Variants in TMTC1 observed in about 807,000 individuals in gnomAD.
TMTC1 encodes the protein protein O-mannosyl-transferase TMTC1.
In TMTC1, 73 loss-of-function variants were observed where a neutral mutation model predicts 104.8. The observed-to-expected ratio is 0.70, with a 90% CI of 0.58 to 0.85. TMTC1 has a LOEUF of 0.85. TMTC1 is among the 40% of genes least tolerant of loss of function. The pLI, the probability that TMTC1 is intolerant of heterozygous loss-of-function variation, is 0.00. For missense variants in TMTC1, 1,035 were observed against 1,096.1 expected (o/e 0.94, Z 0.79); for synonymous variants, 434 against 428.7 (o/e 1.01, Z -0.15).
At chr12:29,530,463 C>T (rs1346723737) in intron 11 of TMTC1, among the ~76,000 whole-genome samples, 1 of 152,148 alleles carries the variant, frequency 6.6e-6, no homozygotes, top group Non-Finnish European at 1.5e-5. Flanking sequence ...CTAGCTGGTC[C>T]ATGGAGACTG....
At chr12:29,624,461 A>G (rs1201194435) in intron 6 of TMTC1, among the ~76,000 whole-genome samples, 2 of 152,226 alleles carry the variant, frequency 1.3e-5, no homozygotes, top group Admixed American at 1.3e-4. Flanking sequence ...CACACACAGT[A>G]TCGCACACAC....
intron 5 of TMTC1, among the ~76,000 whole-genome samples, chr12:29,740,890 T>C (rs146360478): frequency 6.6e-6 from 1 of 152,344 alleles, no homozygotes; most frequent in African/African-American, 2.4e-5. Context: ...TGCCAGTTCC[T>C]GTGTCCAGAA....
At chr12:29,516,203 G>A (rs1455666973) in intron 15 of TMTC1, 146 bp downstream of exon 15, 2 of 960,260 alleles carry the variant, frequency 2.1e-6, no homozygotes, top group African/African-American at 1.6e-5. Flanking sequence ...GGGGATATCT[G>A]TGAAAAGTTT....
Position 29,536,227 on chromosome 12 carries a change from AGC to A in TMTC1, c.1765_1766del (p.Ala589PhefsTer5). 6.2e-7 allele frequency: 1 copy of A among 1,610,080 alleles called. No individual in the cohort carries two copies. On this transcript the variant is annotated frameshift_variant, in exon 11 of 18. Transcript: ENST00000539277. LOFTEE classifies it high-confidence loss of function. Reference protein sequence around the residue: ...PEFADAYSSLASLLAEQERFK... With the variant: ...PEFADAYSSLXSLLAEQERFK... Reference sequence around the variant, plus strand: ...CAATTACCTGCTCAGCCAATAACGAAGCTAAGCTTGAATATGCATCTGCAAAC... The same window carrying A: ...CAATTACCTGCTCAGCCAATAACGAATAAGCTTGAATATGCATCTGCAAAC...
At chr12:29,671,283 G>C (rs2136680686) in intron 5 of TMTC1, among the ~76,000 whole-genome samples, 1 of 150,338 alleles carries the variant, frequency 6.7e-6, no homozygotes, top group Admixed American at 6.7e-5. Flanking sequence ...CTGGGCGACA[G>C]AGTGAGACTC....
chr12:29,737,293 C>T (rs533252379), intron 5 of TMTC1, among the ~76,000 whole-genome samples: 7 of 152,156 alleles, frequency 4.6e-5, no homozygotes, highest in African/African-American at 1.4e-4. Context: ...CTGAGGCGGG[C>T]GGATCACTTG....
chr12:29,751,716 G>A lies in TMTC1; in HGVS notation c.888C>T (p.Pro296=), dbSNP rs776010704. 10 of 1,614,110 alleles carry A rather than the reference G, an allele frequency of 6.2e-6. No individual in the cohort carries two copies. Among genetic ancestry groups the A allele is most frequent in the Middle Eastern group, 1.6e-4 (1 of 6,062 alleles). ...GGGACACTGGGAATCCACTGCTCTTGGGTTCTGGTGGCAGTGGAGAGTGGC... is the reference window on the plus strand; with the variant it reads ...GGGACACTGGGAATCCACTGCTCTTAGGTTCTGGTGGCAGTGGAGAGTGGC... ...GGCHSPLPPE[P]KSSGFPVSPR... is the part of the protein sequence containing the mutation. The change falls in exon 5 of 18, where the codon CCC becomes CCT. Residue 296 remains proline (P), a synonymous_variant. Transcript: ENST00000539277.
At chr12:29,687,100 A>T (rs1941118581) in intron 5 of TMTC1, among the ~76,000 whole-genome samples, 1 of 152,248 alleles carries the variant, frequency 6.6e-6, no homozygotes, top group Non-Finnish European at 1.5e-5. Context: ...ATACGCAAGA[A>T]AATAGTGGAT....
At chr12:29,675,591 C>CAA (rs1187711536) in intron 5 of TMTC1, among the ~76,000 whole-genome samples, 4 of 23,914 alleles carry the variant, frequency 1.7e-4, no homozygotes. Flanking sequence ...CATGCAAATA[C>CAA]ACACACACAC....
intron 7 of TMTC1, among the ~76,000 whole-genome samples, chr12:29,601,249 T>C (rs159712): frequency 0.5 from 76,131 of 152,118 alleles, 20,906 homozygotes; most frequent in African/African-American, 0.73. Flanking sequence ...AAGATGAACC[T>C]CTTACAATAA....
At chr12:29,713,400 G>A (rs1420935109) in intron 5 of TMTC1, among the ~76,000 whole-genome samples, 1 of 149,654 alleles carries the variant, frequency 6.7e-6, no homozygotes, top group East Asian at 2.0e-4. Flanking sequence ...ACAAACTAAT[G>A]TTCTCCATCA....
At chr12:29,743,446 A>G (rs1942877506) in intron 5 of TMTC1, among the ~76,000 whole-genome samples, 1 of 152,216 alleles carries the variant, frequency 6.6e-6, no homozygotes, top group South Asian at 2.1e-4. Flanking sequence ...GAGAATTTTC[A>G]AATCATTTCC....
chr12:29,653,979 C>T (rs540556598), intron 5 of TMTC1, among the ~76,000 whole-genome samples: 68 of 152,160 alleles, frequency 4.5e-4, no homozygotes, highest in African/African-American at 1.6e-3. Context: ...TTGTATAACT[C>T]GTAAATGTGA....
chr12:29,541,653 T>C (rs1007470487), intron 10 of TMTC1, among the ~76,000 whole-genome samples: 9 of 146,828 alleles, frequency 6.1e-5, no homozygotes, highest in Non-Finnish European at 5.9e-5. Flanking sequence ...TTTTTCACTG[T>C]TGCTTTTTTT....
chr12:29,617,981 G>A (rs577679883), intron 6 of TMTC1, among the ~76,000 whole-genome samples: 1 of 152,310 alleles, frequency 6.6e-6, no homozygotes, highest in South Asian at 2.1e-4. Context: ...GGAATAGACT[G>A]GACCTTGGCG....
chr12:29,681,206 G>A lies in TMTC1; in HGVS notation c.939-47870C>T, dbSNP rs574632447. On this transcript the variant is annotated intron_variant, in intron 5 of 17. Coordinates refer to ENST00000539277, the MANE Select transcript of TMTC1 (RefSeq NM_001193451.2). ...ACTTAGAGTAGTTCCTGTGGACCAA[G>A]GTGGAATATTTGAACATTAGTAAGA... Among the ~76,000 whole-genome samples, 5 of 151,974 alleles carry A rather than the reference G, an allele frequency of 3.3e-5. No homozygotes were observed. In the East Asian group the frequency reaches 9.6e-4, roughly 29 times the overall value.
intron 5 of TMTC1, among the ~76,000 whole-genome samples, chr12:29,679,938 A>G (rs1050582088): frequency 2.0e-5 from 3 of 152,182 alleles, no homozygotes; most frequent in Admixed American, 2.0e-4. Context: ...AATCTCAATA[A>G]TTTGACCATA....
At chr12:29,539,924 T>C (rs366998) in intron 10 of TMTC1, among the ~76,000 whole-genome samples, 81,988 of 152,028 alleles carry the variant, frequency 0.54, 24,989 homozygotes, top group Non-Finnish European at 0.67. Flanking sequence ...CACAGATGGC[T>C]CTTCTCTCCT....
intron 10 of TMTC1, among the ~76,000 whole-genome samples, chr12:29,555,804 C>G (rs1028321535): frequency 6.6e-6 from 1 of 152,084 alleles, no homozygotes; most frequent in African/African-American, 2.4e-5. Flanking sequence ...TGTGTCTTTA[C>G]AGTAGAATGA....
Sources: allele counts gnomAD v4.1 joint callset (sites outside exome capture counted in the v4.1 genomes callset), GRCh38; gene constraint gnomAD v4.1.1; transcripts MANE v1.5; gene names NCBI Gene and HGNC (gene_info 2026-07-23, HGNC 2026-07-21).